Variants in GCDH observed in about 807,000 individuals in gnomAD.
The protein encoded by GCDH is glutaryl-CoA dehydrogenase.
Under a neutral mutation model 52.8 loss-of-function variants are expected in GCDH, and 31 were observed. The observed-to-expected ratio is 0.59, with a 90% CI of 0.44 to 0.79. The LOEUF is 0.79. Ranked by LOEUF, GCDH falls within the 30% of genes least tolerant of loss-of-function variation. The pLI, the probability that GCDH is intolerant of heterozygous loss-of-function variation, is 0.00. For synonymous variants in GCDH, 242 were observed against 250.0 expected (o/e 0.97, Z 0.30); for missense variants, 509 against 595.0 (o/e 0.86, Z 1.50).
At chr19:12,891,616 G>A (rs749991534) in intron 3 of GCDH, 94 bp downstream of exon 3, 7 of 1,611,790 alleles carry the variant, frequency 4.3e-6, no homozygotes, top group South Asian at 3.3e-5. Context: ...AGAGCTGCCC[G>A]AGCGGGGTGG....
intron 6 of GCDH, among the ~76,000 whole-genome samples, 166 bp from the exon 7 acceptor site, chr19:12,895,826 G>T (rs1970661437): frequency 6.7e-6 from 1 of 149,196 alleles, no homozygotes. Context: ...CACCATGTTG[G>T]CCAGGCTGGT....
In GCDH at chr19:12,896,989, C is replaced by T; in HGVS notation, c.932C>T (p.Thr311Ile). ...GGAGCTTCGGAGTTCTGCTTGCACA[C>T]AGCCCGGCAGTACGCCCTCGACAGG... ...VLGASEFCLH[T>I]ARQYALDRMQ... Residue 311 changes from threonine (T) to isoleucine (I), a missense_variant, in exon 9 of 12, where the codon ACA (threonine) becomes ATA (isoleucine). Coordinates refer to ENST00000222214, the MANE Select transcript of GCDH (RefSeq NM_000159.4). The surrounding 1 kb of genome is among the most constrained non-coding windows in gnomAD (Gnocchi z 5.5). 2 of 1,612,600 alleles carry T rather than the reference C, an allele frequency of 1.2e-6. No homozygotes were observed. Among genetic ancestry groups the T allele is most frequent in the South Asian group, 1.1e-5 (1 of 91,084 alleles).
In GCDH at chr19:12,892,099, C is replaced by T. The variant is rs375488815; in HGVS notation, c.272-17C>T. The T allele has an allele frequency of 5.1e-5, 83 of 1,613,940 alleles. No individual in the cohort carries two copies. Among genetic ancestry groups the T allele is most frequent in the Non-Finnish European group, 6.9e-5 (81 of 1,179,922 alleles). On this transcript the variant is annotated splice_polypyrimidine_tract_variant and intron_variant, in intron 4 of 11. Coordinates refer to ENST00000222214, the MANE Select transcript of GCDH (RefSeq NM_000159.4). Reference sequence around the variant, plus strand: ...GCCTAGGCCTGGGCCTGAATTTGGGCACTGGTCCCTTTGCAGTTTTTCATC... The same window carrying T: ...GCCTAGGCCTGGGCCTGAATTTGGGTACTGGTCCCTTTGCAGTTTTTCATC...
chr19:12,894,094 C>T, intron 6 of GCDH: 6 of 912,392 alleles, frequency 6.6e-6, no homozygotes, highest in Non-Finnish European at 1.0e-5. Flanking sequence ...GACGTTGGCC[C>T]TCTTCCGTGG....
At position 12,891,199 on chromosome 19, in the gene GCDH, C is replaced by T. The variant is rs1970544846; in HGVS notation, c.-38C>T. On this transcript the variant is annotated 5_prime_UTR_variant, in exon 1 of 12. Transcript: ENST00000222214. ...CTCGGCAGTGAACCGGGAGGTACTA[C>T]CAGGTAAGGAAGGTGCGGTAGCCCC... The T allele has an allele frequency of 1.2e-6, 1 of 832,020 alleles. No individual in the cohort carries two copies. The highest frequency in any genetic ancestry group is 2.0e-6 in the Non-Finnish European group (1 of 502,728). The allele number at this position is 832,020 out of a possible 1,614,324, so 51.5% of individuals were successfully genotyped here. A position where few individuals can be genotyped will look rare whatever the true frequency, so the allele number is the denominator to read the frequency against.
At position 12,891,472 on chromosome 19, in the gene GCDH, G is replaced by C. The variant is rs770111154; in HGVS notation, c.92-15G>C. The C allele has an allele frequency of 1.2e-6, 2 of 1,614,234 alleles. No homozygotes were observed. Among genetic ancestry groups the C allele is most frequent in the Non-Finnish European group, 1.7e-6 (2 of 1,180,036 alleles). On this transcript the variant is annotated splice_polypyrimidine_tract_variant and intron_variant, in intron 2 of 11. Coordinates refer to ENST00000222214, the MANE Select transcript of GCDH (RefSeq NM_000159.4). ...AGGGACTTTCCGGGGTGACTTTCCC[G>C]TTCTGTGCTTGCAGAGAAAGGCGGG...
At chr19:12,899,170 G>A (rs745373181) in intron 11 of GCDH, 11 of 639,862 alleles carry the variant, frequency 1.7e-5, no homozygotes, top group Non-Finnish European at 2.8e-5. Flanking sequence ...TATGGCAGGG[G>A]CTGGACTTGC....
rs141819282 is a variant in GCDH at position 12,899,511 on chromosome 19, G to T, written c.1287G>T (p.Thr429=). 15 of 1,614,030 alleles carry T rather than the reference G, an allele frequency of 9.3e-6. No homozygotes were observed. In the Admixed American group the frequency reaches 1.7e-4, roughly 18 times the overall value. Residue 429 remains threonine (T), a synonymous_variant, in exon 12 of 12, where the codon ACG becomes ACT. Transcript: ENST00000222214. ...IHALILGRAI[T]GIQAFTASK ...CCCTGATCCTTGGGAGAGCTATCACGGGAATCCAGGCGTTCACGGCCAGCA... is the reference window on the plus strand; with the variant it reads ...CCCTGATCCTTGGGAGAGCTATCACTGGAATCCAGGCGTTCACGGCCAGCA...
chr19:12,894,190 GA>G (rs1970620233), intron 6 of GCDH: 23 of 1,572,470 alleles, frequency 1.5e-5, no homozygotes, highest in African/African-American at 8.1e-5. Flanking sequence ...TGAAGTGGAC[GA>G]TGAACGCAAA....
intron 11 of GCDH, 37 bp downstream of exon 11, chr19:12,897,900 A>T: frequency 6.4e-7 from 1 of 1,569,024 alleles, no homozygotes; most frequent in Non-Finnish European, 8.8e-7. Context: ...CTGAGGCCTC[A>T]GTGTCTGGGG....
Position 12,894,407 on chromosome 19 carries a change from GAA to G in GCDH, c.505+756_505+757del, listed in dbSNP as rs1314111652. On this transcript the variant is annotated intron_variant, in intron 6 of 11. Transcript: ENST00000222214. ...TACAGACCAAGGAGAACTGGAGAAA[GAA>G]AGAGAAGATCAGTTCATGGTTGCAT... 4.1e-5 allele frequency: 31 copies of G among 752,616 alleles called. No homozygotes were observed. The East Asian group carries it at 6.9e-4, about 17-fold the overall frequency. 46.6% of individuals were successfully genotyped at this position (752,616 alleles called of 1,614,324 possible).
At position 12,896,985 on chromosome 19, in the gene GCDH, C is replaced by T. The variant is rs1489670562; in HGVS notation, c.928C>T (p.His310Tyr). The change falls in exon 9 of 12, where the codon CAC becomes TAC. Residue 310 changes from histidine (H) to tyrosine (Y), a missense_variant. Coordinates refer to ENST00000222214, the MANE Select transcript of GCDH (RefSeq NM_000159.4). The surrounding 1 kb of genome is among the most constrained non-coding windows in gnomAD (Gnocchi z 5.5). Reference sequence around the variant, plus strand: ...GCTTGGAGCTTCGGAGTTCTGCTTGCACACAGCCCGGCAGTACGCCCTCGA... The same window carrying T: ...GCTTGGAGCTTCGGAGTTCTGCTTGTACACAGCCCGGCAGTACGCCCTCGA... ...GVLGASEFCL[H>Y]TARQYALDRM... 3 of 1,612,712 alleles carry T rather than the reference C, an allele frequency of 1.9e-6. No individual in the cohort carries two copies. The highest frequency in any genetic ancestry group is 1.3e-5 in the African/African-American group (1 of 75,054).
At chr19:12,899,385 C>T in intron 11 of GCDH, 83 bp from the exon 12 acceptor site, 1 of 1,614,078 alleles carries the variant, frequency 6.2e-7, no homozygotes, top group Non-Finnish European at 8.5e-7. Context: ...GAAGCAGTGG[C>T]CTGGGGATAC....
rs1970684168 is a variant in GCDH at position 12,896,471 on chromosome 19, G to C, written c.852+50G>C. 2.2e-6 allele frequency: 3 copies of C among 1,381,884 alleles called. No individual in the cohort carries two copies. Among genetic ancestry groups the C allele is most frequent in the Non-Finnish European group, 3.0e-6 (3 of 985,592 alleles). The allele number at this position is 1,381,884 out of a possible 1,614,324, so 85.6% of individuals were successfully genotyped here. On this transcript the variant is annotated intron_variant, in intron 8 of 11. Transcript: ENST00000222214. The surrounding 1 kb of genome is among the most constrained non-coding windows in gnomAD (Gnocchi z 5.5). Reference sequence around the variant, plus strand: ...GGGTGTTGGGTCACCTGCGGATGCGGCTTTGTCAGGCAGGCTCCGTGCTGG... The same window carrying C: ...GGGTGTTGGGTCACCTGCGGATGCGCCTTTGTCAGGCAGGCTCCGTGCTGG...
chr19:12,896,027 G>C lies in GCDH; in HGVS notation c.541G>C (p.Glu181Gln), dbSNP rs745852738. ...GELLGCFGLT[E>Q]PNSGSDPSSM... is the part of the protein sequence containing the mutation. ...GCTCCTGGGCTGCTTCGGGCTCACAGAGCCCAACAGCGGAAGTGACCCCAG... is the reference window on the plus strand; with the variant it reads ...GCTCCTGGGCTGCTTCGGGCTCACACAGCCCAACAGCGGAAGTGACCCCAG... The change falls in exon 7 of 12, where the codon GAG becomes CAG. Residue 181 changes from glutamate to glutamine, a missense_variant. By Grantham distance (29) the Glu-to-Gln change is conservative. Transcript: ENST00000222214. This position sits in a 1 kb window ranked among gnomAD's most constrained non-coding sequence, Gnocchi z 5.5. The C allele has an allele frequency of 6.2e-7, 1 of 1,614,124 alleles. No individual in the cohort carries two copies. Among genetic ancestry groups the C allele is most frequent in the South Asian group, 1.1e-5 (1 of 91,086 alleles).
Position 12,893,474 on chromosome 19 carries a change from T to G in GCDH, c.335-9T>G. 1.2e-6 allele frequency: 2 copies of G among 1,612,992 alleles called. No homozygotes were observed. The highest frequency in any genetic ancestry group is 1.7e-6 in the Non-Finnish European group (2 of 1,178,948). ...CTATTGTCCTGCTTTCCCCTCCTAC[T>G]ACCACCAGGATATGGCTGTGCTGGG... On this transcript the variant is annotated splice_polypyrimidine_tract_variant and intron_variant, in intron 5 of 11. Coordinates refer to ENST00000222214, the MANE Select transcript of GCDH (RefSeq NM_000159.4).
intron 3 of GCDH, 67 bp downstream of exon 3, chr19:12,891,589 C>T: frequency 1.9e-6 from 3 of 1,613,594 alleles, no homozygotes; most frequent in Middle Eastern, 1.8e-4. Context: ...CGCAGGTGGA[C>T]TCTGTCCCAG....
rs780352044 is a variant in GCDH, at chr19:12,897,283, C to A, written c.957-20C>A. ...GAGAGTGGGCCTCCCCTCGCTCTTACCCTGCCATTGCCCATGTAGGATGCA... is the reference window on the plus strand; with the variant it reads ...GAGAGTGGGCCTCCCCTCGCTCTTAACCTGCCATTGCCCATGTAGGATGCA... On this transcript the variant is annotated intron_variant, in intron 9 of 11. Transcript: ENST00000222214. 6.2e-7 allele frequency: 1 copy of A among 1,613,524 alleles called. No homozygotes were observed. Among genetic ancestry groups the A allele is most frequent in the East Asian group, 2.2e-5 (1 of 44,858 alleles).
In GCDH at chr19:12,896,477, T is replaced by G; in HGVS notation, c.852+56T>G. 1.5e-6 allele frequency: 2 copies of G among 1,327,268 alleles called. No individual in the cohort carries two copies. Among genetic ancestry groups the G allele is most frequent in the Non-Finnish European group, 2.1e-6 (2 of 938,808 alleles). The allele number at this position is 1,327,268 out of a possible 1,614,324, so 82.2% of individuals were successfully genotyped here. A position where few individuals can be genotyped will look rare whatever the true frequency, so the allele number is the denominator to read the frequency against. ...TGGGTCACCTGCGGATGCGGCTTTG[T>G]CAGGCAGGCTCCGTGCTGGGGACGC... is the stretch of plus-strand genomic sequence containing the variant. On this transcript the variant is annotated intron_variant, in intron 8 of 11. Coordinates refer to ENST00000222214, the MANE Select transcript of GCDH (RefSeq NM_000159.4). This position sits in a 1 kb window ranked among gnomAD's most constrained non-coding sequence, Gnocchi z 5.5.
Sources: gnomAD v4.1 joint callset for allele counts (sites outside exome capture counted in the v4.1 genomes callset) on GRCh38, gnomAD v4.1.1 for gene constraint, Gnocchi (gnomAD v3.1) non-coding constraint, MANE v1.5 for transcripts, NCBI Gene and HGNC (gene_info 2026-07-23, HGNC 2026-07-21) for gene names.